Variants in CREB3L3 observed in about 807,000 individuals in gnomAD.
CREB3L3 encodes the protein cyclic AMP-responsive element-binding protein 3-like protein 3.
In CREB3L3, 40 loss-of-function variants were observed where a neutral mutation model predicts 44.6. The ratio of observed to expected loss-of-function variants is 0.90; its 90% CI spans 0.70 to 1.17. The LOEUF (loss-of-function observed/expected upper bound fraction) is 1.17. CREB3L3 is among the 50% of genes most tolerant of loss of function. The pLI, the probability that CREB3L3 is intolerant of heterozygous loss-of-function variation, is 0.00. For synonymous variants in CREB3L3, 273 were observed against 256.3 expected, an observed-to-expected ratio of 1.06 and a Z score of -0.62; for missense variants, 578 against 595.8, an observed-to-expected ratio of 0.97 and a Z score of 0.31.
chr19:4,169,689 T>A (rs974523385), intron 6 of CREB3L3, among the ~76,000 whole-genome samples: 2 of 150,668 alleles, frequency 1.3e-5, no homozygotes, highest in Non-Finnish European at 2.9e-5. Context: ...CTTCCCGGGT[T>A]CAATCGATTC....
intron 5 of CREB3L3, among the ~76,000 whole-genome samples, chr19:4,167,973 TTTTATTTATTTA>T (rs58194210): frequency 5.5e-5 from 8 of 144,848 alleles, no homozygotes; most frequent in Non-Finnish European, 3.0e-5. Context: ...ATTTTAATTA[TTTTATTTATTTA>T]TTTATTTATT....
chr19:4,160,523 C>T (rs1042760044), intron 4 of CREB3L3, among the ~76,000 whole-genome samples: 2 of 150,830 alleles, frequency 1.3e-5, no homozygotes, highest in African/African-American at 4.9e-5. Context: ...AGGCGTGCAC[C>T]ACCACACCCA....
rs1283214722 is a variant in CREB3L3 at position 4,172,010 on chromosome 19, G to T, written c.*41G>T. The T allele has an allele frequency of 3.6e-5, 55 of 1,525,112 alleles. No homozygotes were observed. The highest frequency in any genetic ancestry group is 4.6e-5 in the Non-Finnish European group (52 of 1,136,800). 94.5% of individuals were successfully genotyped at this position (1,525,112 alleles called of 1,614,324 possible). A position where few individuals can be genotyped will look rare whatever the true frequency, so the allele number is the denominator to read the frequency against. ...TGCTCCCAGGCCCCTCTGCCCAGGG[G>T]TGCCTTGGGGATGCTGCACTGGGCA... On this transcript the variant is annotated 3_prime_UTR_variant, in exon 10 of 10. Transcript: ENST00000078445.
In CREB3L3 at chr19:4,155,072, C is replaced by T. The variant is rs371957651; in HGVS notation, c.156+45C>T. 46 of 1,598,816 alleles carry T rather than the reference C, an allele frequency of 2.9e-5. No individual in the cohort carries two copies. The Admixed American group carries it at 5.2e-4, about 18-fold the overall frequency. ...TGCCCCGGGACCACAGAGCTCCAGG[C>T]GGGCCAACTGAGGCCCCACGAAGGT... On this transcript the variant is annotated intron_variant, in intron 2 of 9. Coordinates refer to ENST00000078445, the MANE Select transcript of CREB3L3 (RefSeq NM_032607.3).
At chr19:4,170,780 G>C (rs1020008728) in intron 7 of CREB3L3, among the ~76,000 whole-genome samples, 20 of 151,756 alleles carry the variant, frequency 1.3e-4, no homozygotes, top group Non-Finnish European at 1.9e-4. Flanking sequence ...GTGTGGTGGT[G>C]GGCGCCTGTA....
intron 5 of CREB3L3, among the ~76,000 whole-genome samples, chr19:4,167,488 GAGAGAA>G (rs10582604): frequency 0.026 from 3,194 of 123,820 alleles, 111 homozygotes; most frequent in African/African-American, 0.093. Flanking sequence ...AGGAAAGAAA[GAGAGAA>G]AGAGAAAGAG....
chr19:4,157,763 G>A (rs1037030936), intron 3 of CREB3L3, among the ~76,000 whole-genome samples: 1 of 152,038 alleles, frequency 6.6e-6, no homozygotes, highest in African/African-American at 2.4e-5. Context: ...TCGGCTCACT[G>A]CAACCTCTGC....
Position 4,170,736 on chromosome 19 carries a change from C to T in CREB3L3, c.891-355C>T, listed in dbSNP as rs771586074. Reference sequence around the variant, plus strand: ...CATCCTGGCTAACACGGTGAAACCCCGTCTCTACTAAAAATACAAAAAAAA... The same window carrying T: ...CATCCTGGCTAACACGGTGAAACCCTGTCTCTACTAAAAATACAAAAAAAA... On this transcript the variant is annotated intron_variant, in intron 7 of 9. Coordinates refer to ENST00000078445, the MANE Select transcript of CREB3L3 (RefSeq NM_032607.3). Among the ~76,000 whole-genome samples the T allele has an allele frequency of 4.6e-5, 7 of 151,606 alleles. No homozygotes were observed. In the East Asian group the frequency reaches 1.4e-3, roughly 29 times the overall value.
At chr19:4,160,817 TCCGC>T in intron 4 of CREB3L3, among the ~76,000 whole-genome samples, 1 of 151,124 alleles carries the variant, frequency 6.6e-6, no homozygotes, top group African/African-American at 2.4e-5. Flanking sequence ...CACTGCAAGC[TCCGC>T]CTACCGGGTT....
Position 4,171,740 on chromosome 19 carries a change from C to G in CREB3L3, c.1157C>G (p.Pro386Arg). The change falls in exon 10 of 10, where the codon CCC becomes CGC. Residue 386 changes from proline to arginine, a missense_variant. By Grantham distance (103) the Pro-to-Arg change is moderately radical. Transcript: ENST00000078445. The surrounding 1 kb of genome is among the most constrained non-coding windows in gnomAD (Gnocchi z 4.9). ...GGCTCCGAGGCCCCAGGACCCCGAC[C>G]CGAGGCTGACACAACCCGAGAAGAG... is the stretch of plus-strand genomic sequence containing the variant. ...VPGSEAPGPR[P>R]EADTTREESP... 1 of 1,613,296 alleles carries G rather than the reference C, an allele frequency of 6.2e-7. No individual in the cohort carries two copies. The highest frequency in any genetic ancestry group is 8.5e-7 in the Non-Finnish European group (1 of 1,179,996).
rs576073456 is a variant in CREB3L3 at position 4,171,023 on chromosome 19, C to T, written c.891-68C>T. On this transcript the variant is annotated intron_variant, in intron 7 of 9. Transcript: ENST00000078445. The surrounding 1 kb of genome is among the most constrained non-coding windows in gnomAD (Gnocchi z 4.9). Reference sequence around the variant, plus strand: ...TGGACTTTAGCGGGGCTGGGGGACCCCGGAAATGGACGAGAAGCAGAACCG... The same window carrying T: ...TGGACTTTAGCGGGGCTGGGGGACCTCGGAAATGGACGAGAAGCAGAACCG... 1.3e-5 allele frequency: 16 copies of T among 1,272,822 alleles called. No individual in the cohort carries two copies. The South Asian group carries it at 1.4e-4, about 11-fold the overall frequency. The allele number at this position is 1,272,822 out of a possible 1,614,324, so 78.8% of individuals were successfully genotyped here.
At chr19:4,167,440 AGAAAGAAAGGAAGAAAAGAAG>A (rs1005407155) in intron 5 of CREB3L3, among the ~76,000 whole-genome samples, 15 of 123,304 alleles carry the variant, frequency 1.2e-4, no homozygotes, top group East Asian at 5.0e-4. Flanking sequence ...AAGAAAGGAA[AGAAAGAAAGGAAGAAAAGAAG>A]GAAAGAAAGG....
chr19:4,162,902 G>A (rs536806802), intron 4 of CREB3L3, among the ~76,000 whole-genome samples: 2 of 152,236 alleles, frequency 1.3e-5, no homozygotes, highest in East Asian at 1.9e-4. Flanking sequence ...GCTTGAGCCC[G>A]GGAGGCGGAG....
At chr19:4,157,907 A>G (rs577699150) in intron 3 of CREB3L3, among the ~76,000 whole-genome samples, 4 of 150,204 alleles carry the variant, frequency 2.7e-5, no homozygotes, top group African/African-American at 9.8e-5. Flanking sequence ...CTGGTCTTGA[A>G]CTCCTGAGCT....
At chr19:4,156,058 C>G (rs1356334441) in intron 2 of CREB3L3, among the ~76,000 whole-genome samples, 1 of 147,852 alleles carries the variant, frequency 6.8e-6, no homozygotes, top group Non-Finnish European at 1.5e-5. Flanking sequence ...CCTTTTTTCT[C>G]TTTCTTTCTC....
chr19:4,164,450 G>T, intron 4 of CREB3L3, 53 bp from the exon 5 acceptor site: 1 of 1,610,930 alleles, frequency 6.2e-7, no homozygotes. Flanking sequence ...TTCATTTCCT[G>T]AAGGCAGTTG....
intron 4 of CREB3L3, among the ~76,000 whole-genome samples, chr19:4,161,782 G>A (rs1012912672): frequency 6.6e-6 from 1 of 152,316 alleles, no homozygotes; most frequent in African/African-American, 2.4e-5. Flanking sequence ...GGCAACTAGA[G>A]GGATATGCAG....
chr19:4,154,754 G>A, intron 1 of CREB3L3, 145 bp from the exon 2 acceptor site: 1 of 1,143,472 alleles, frequency 8.7e-7, no homozygotes, highest in Non-Finnish European at 1.3e-6. Context: ...TGGAAAGGGA[G>A]TCTCAGCGAG....
At chr19:4,155,930 G>A (rs531323721) in intron 2 of CREB3L3, among the ~76,000 whole-genome samples, 2 of 151,294 alleles carry the variant, frequency 1.3e-5, no homozygotes, top group Admixed American at 1.3e-4. Context: ...TGTGTTTTTA[G>A]TAGAGATGGG....
Sources: allele counts gnomAD v4.1 joint callset (sites outside exome capture counted in the v4.1 genomes callset), GRCh38; gene constraint gnomAD v4.1.1; non-coding constraint Gnocchi (gnomAD v3.1); transcripts MANE v1.5; gene names NCBI Gene and HGNC (gene_info 2026-07-23, HGNC 2026-07-21).